Variants in CAPS2 observed in about 807,000 individuals in gnomAD.
The protein encoded by CAPS2 is calcyphosine 2, also known as calcyphosin-2.
A neutral mutation model predicts 86.5 loss-of-function variants in CAPS2; 98 were observed. The ratio of observed to expected loss-of-function variants is 1.13; its 90% CI spans 0.96 to 1.34. The LOEUF (loss-of-function observed/expected upper bound fraction) is 1.34. Ranked by LOEUF, CAPS2 falls within the 40% of genes most tolerant of loss-of-function variation. CAPS2 has a pLI of 0.00. For missense variants in CAPS2, 729 were observed against 686.8 expected (o/e 1.06, Z -0.69); for synonymous variants, 210 against 225.1 (o/e 0.93, Z 0.60).
intron 1 of CAPS2, among the ~76,000 whole-genome samples, chr12:75,358,928 A>G (rs1050502591): frequency 2.1e-5 from 3 of 145,988 alleles, no homozygotes; most frequent in African/African-American, 7.5e-5. Flanking sequence ...CAGACTGCAT[A>G]AAACAGATAA....
At chr12:75,371,174 A>C (rs1054496997) in intron 1 of CAPS2, 1 of 152,496 alleles carries the variant, frequency 6.6e-6, no homozygotes, top group Admixed American at 6.5e-5. Context: ...CGGGAAGCCG[A>C]CAATTCAGCC....
chr12:75,281,341 A>G (rs1426026798), intron 16 of CAPS2, among the ~76,000 whole-genome samples: 2 of 151,968 alleles, frequency 1.3e-5, no homozygotes, highest in Non-Finnish European at 2.9e-5. Context: ...TTAGTTGTTG[A>G]TCAATAATTA....
At chr12:75,297,774 C>G (rs2037146525) in intron 11 of CAPS2, among the ~76,000 whole-genome samples, 1 of 152,220 alleles carries the variant, frequency 6.6e-6, no homozygotes, top group South Asian at 2.1e-4. Context: ...CCAAATAAGT[C>G]ATGTGCTCTC....
At position 75,378,823 on chromosome 12, in the gene CAPS2, C is replaced by A. The variant is rs183901768; in HGVS notation, c.-395+12015G>T. ...GGTCACTGTAGACCAGCCACATTGA[C>A]ACACAAAACTAACCATCACATTACT... is the stretch of plus-strand genomic sequence containing the variant. On this transcript the variant is annotated intron_variant, in intron 1 of 5. Transcript: ENST00000551829. Among the ~76,000 whole-genome samples, 239 of 152,328 alleles carry A rather than the reference C, an allele frequency of 1.6e-3. 2 individuals are homozygous for A. Among genetic ancestry groups the A allele is most frequent in the Non-Finnish European group, 3.8e-4 (26 of 68,028 alleles).
chr12:75,371,451 C>A, intron 1 of CAPS2: 1 of 350,920 alleles, frequency 2.8e-6, no homozygotes, highest in Non-Finnish European at 5.9e-6. Flanking sequence ...GCAATACTCT[C>A]ACAGACACAC....
At chr12:75,296,578 C>A (rs2036927001) in intron 11 of CAPS2, among the ~76,000 whole-genome samples, 1 of 152,180 alleles carries the variant, frequency 6.6e-6, no homozygotes, top group South Asian at 2.1e-4. Flanking sequence ...AGGCGTGAGC[C>A]ACCGCACCCA....
intron 1 of CAPS2, chr12:75,370,292 A>C: frequency 3.4e-6 from 2 of 582,470 alleles, no homozygotes; most frequent in East Asian, 5.6e-5. Context: ...CTTGCCTGAT[A>C]CCTAAATTTA....
chr12:75,354,837 T>G (rs1418110168), intron 1 of CAPS2, among the ~76,000 whole-genome samples: 1 of 151,912 alleles, frequency 6.6e-6, no homozygotes, highest in African/African-American at 2.4e-5. Context: ...ACATCTATAA[T>G]CAACTAGTCT....
chr12:75,362,975 G>C (rs2043710426), intron 1 of CAPS2: 3 of 515,664 alleles, frequency 5.8e-6, no homozygotes, highest in Non-Finnish European at 1.1e-5. Context: ...ATAAAATTGA[G>C]ACATTATTAT....
intron 1 of CAPS2, among the ~76,000 whole-genome samples, chr12:75,346,317 T>C (rs1157779725): frequency 6.6e-6 from 1 of 152,212 alleles, no homozygotes; most frequent in East Asian, 1.9e-4. Context: ...CTTATCTCAT[T>C]TCATTAAGTG....
chr12:75,344,438 C>A lies in CAPS2; in HGVS notation c.-394-21216G>T, dbSNP rs375598351. The stretch of plus-strand genomic sequence containing the variant: ...TAATCCCATTCAGTTTGTTTTCAAT[C>A]TTGCACCTTAAAGTTTGTATCTCTA... On this transcript the variant is annotated intron_variant, in intron 1 of 5. Coordinates refer to the CAPS2 transcript ENST00000551829. 6.6e-5 allele frequency among the ~76,000 whole-genome samples: 10 copies of A among 152,146 alleles called. No homozygotes were observed. The East Asian group carries it at 1.5e-3, about 23-fold the overall frequency.
chr12:75,293,841 T>A lies in CAPS2; in HGVS notation c.1045-474A>T, dbSNP rs377368058. ...CAAAACTTCAGCCACAAAATTCCTA[T>A]CAAAAAATCTTATTCTAAACTTATA... On this transcript the variant is annotated intron_variant, in intron 11 of 16. Transcript: ENST00000393284. 2.6e-5 allele frequency among the ~76,000 whole-genome samples: 4 copies of A among 152,322 alleles called. No individual in the cohort carries two copies. In the South Asian group the frequency reaches 8.3e-4, roughly 32 times the overall value.
chr12:75,291,563 A>T lies in CAPS2; in HGVS notation c.1240+181T>A, dbSNP rs1226094361. On this transcript the variant is annotated intron_variant, in intron 13 of 16. Coordinates refer to ENST00000393284, the Ensembl canonical transcript of CAPS2. ...GTATATATATATATAGCTTATTTTT[A>T]AAAGTATATATATATATATATATAT... 1.3e-4 allele frequency among the ~76,000 whole-genome samples: 10 copies of T among 77,024 alleles called. 1 individual carries two copies. In the South Asian group the frequency reaches 1.4e-3, roughly 11 times the overall value. The allele number at this position is 77,024 out of a possible 152,430, so 50.5% of individuals were successfully genotyped here. A position where few individuals can be genotyped will look rare whatever the true frequency, so the allele number is the denominator to read the frequency against.
chr12:75,371,862 G>A (rs901471788), intron 1 of CAPS2, among the ~76,000 whole-genome samples: 4 of 152,190 alleles, frequency 2.6e-5, no homozygotes, highest in Non-Finnish European at 5.9e-5. Context: ...TGGTCACGTG[G>A]TTGTATTTAT....
In CAPS2 at chr12:75,298,635, C is replaced by G; in HGVS notation, c.1044+52G>C. The G allele has an allele frequency of 3.5e-6, 5 of 1,444,430 alleles. No homozygotes were observed. In the South Asian group the frequency reaches 4.6e-5, roughly 13 times the overall value. 89.5% of individuals were successfully genotyped at this position (1,444,430 alleles called of 1,614,324 possible). On this transcript the variant is annotated intron_variant, in intron 11 of 16. Transcript: ENST00000393284. ...CTACTCCTCCACCTCCATGGGACTC[C>G]ACAAAATCCACCATCTGGTATTAAA...
At chr12:75,286,117 T>C (rs1262192063) in intron 14 of CAPS2, among the ~76,000 whole-genome samples, 1 of 152,092 alleles carries the variant, frequency 6.6e-6, no homozygotes, top group African/African-American at 2.4e-5. Flanking sequence ...TAAATGTGAA[T>C]GTAGATAAAA....
downstream of CAPS2, chr12:75,276,083 A>G: frequency 2.2e-6 from 2 of 928,330 alleles, no homozygotes; most frequent in Non-Finnish European, 3.0e-6. Flanking sequence ...GTATGACAAG[A>G]GCCTCTTCTC....
At chr12:75,316,412 T>C in exon 6 of CAPS2, 1 of 1,549,940 alleles carries the variant, frequency 6.5e-7, no homozygotes, top group African/African-American at 1.4e-5. Flanking sequence ...GTCATCTGTG[T>C]TGGCTTCTTC....
chr12:75,310,652 C>A (rs546553238), intron 7 of CAPS2, among the ~76,000 whole-genome samples: 1 of 152,070 alleles, frequency 6.6e-6, no homozygotes, highest in Non-Finnish European at 1.5e-5. Flanking sequence ...ACTTTCTCAC[C>A]CCTTGACCTT....
Sources: gnomAD v4.1 joint callset for allele counts (sites outside exome capture counted in the v4.1 genomes callset) on GRCh38, gnomAD v4.1.1 for gene constraint, MANE v1.5 for transcripts, NCBI Gene and HGNC (gene_info 2026-07-23, HGNC 2026-07-21) for gene names.